ABCA4: variants seen among roughly 807,000 people sequenced by gnomAD.
The protein encoded by ABCA4 is retinal-specific phospholipid-transporting ATPase ABCA4.
Under a neutral mutation model 263.7 loss-of-function variants are expected in ABCA4, and 196 were observed. The observed-to-expected ratio is 0.74, with a 90% CI of 0.66 to 0.84. The LOEUF is 0.84. Ranked by LOEUF, ABCA4 falls within the 40% of genes least tolerant of loss-of-function variation. ABCA4 has a pLI of 0.00. For missense variants in ABCA4, 2,792 were observed against 2,855.1 expected, an observed-to-expected ratio of 0.98 and a Z score of 0.50; for synonymous variants, 1,133 against 1,094.2, an observed-to-expected ratio of 1.04 and a Z score of -0.70.
intron 40 of ABCA4, chr1:94,010,487 C>G (rs967525029): frequency 3.8e-5 from 17 of 442,070 alleles, no homozygotes; most frequent in African/African-American, 2.6e-4. Context: ...TACCCTGTAA[C>G]CATTGTTATT....
intron 1 of ABCA4, among the ~76,000 whole-genome samples, chr1:94,116,035 C>T (rs1457346673): frequency 6.6e-6 from 1 of 152,180 alleles, no homozygotes; most frequent in African/African-American, 2.4e-5. Flanking sequence ...CATTGTCATC[C>T]TCCCTTGCAA....
chr1:94,082,086 G>A (rs1045213871), intron 7 of ABCA4, among the ~76,000 whole-genome samples: 2 of 152,086 alleles, frequency 1.3e-5, no homozygotes, highest in African/African-American at 4.8e-5. Context: ...GATGAGCCCA[G>A]GGAGAATCCA....
intron 26 of ABCA4, 41 bp downstream of exon 26, chr1:94,036,699 G>A (rs1660345875): frequency 1.2e-6 from 2 of 1,603,602 alleles, no homozygotes; most frequent in African/African-American, 1.3e-5. Flanking sequence ...ACTTGGGAGG[G>A]AGGCAAGGAA....
chr1:94,069,980 G>T (rs1025527585), intron 11 of ABCA4, among the ~76,000 whole-genome samples: 19 of 152,196 alleles, frequency 1.2e-4, no homozygotes, highest in African/African-American at 4.3e-4. Context: ...TCACACTGGG[G>T]CAAAGCCACG....
At position 94,040,110 on chromosome 1, in the gene ABCA4, C is replaced by G; in HGVS notation, c.3540G>C (p.Ser1180=). Residue 1180 remains serine (S), a synonymous_variant, in exon 24 of 50, where the codon TCG becomes TCC. Coordinates refer to ENST00000370225, the MANE Select transcript of ABCA4 (RefSeq NM_000350.3). ...RKGSEGTCSC[S]SKGFSTTCPA... ...GACACGTGGTGGAGAAACCCTTAGA[C>G]GAGCAGCTGCAGGTCCCCTGCAACA... is the stretch of plus-strand genomic sequence containing the variant. 1 of 1,608,982 alleles carries G rather than the reference C, an allele frequency of 6.2e-7. No homozygotes were observed. Among genetic ancestry groups the G allele is most frequent in the Non-Finnish European group, 8.5e-7 (1 of 1,177,392 alleles).
chr1:94,100,041 C>G (rs1330383379), intron 5 of ABCA4, among the ~76,000 whole-genome samples: 1 of 152,170 alleles, frequency 6.6e-6, no homozygotes, highest in African/African-American at 2.4e-5. Context: ...TCGTGAGATT[C>G]CCGGGGCACC....
intron 6 of ABCA4, among the ~76,000 whole-genome samples, chr1:94,087,730 G>A (rs1661869118): frequency 6.6e-6 from 1 of 152,158 alleles, no homozygotes; most frequent in Non-Finnish European, 1.5e-5. Context: ...GAAACCCACG[G>A]TTTCTCTGAC....
chr1:94,011,424 C>T (rs1178832930), intron 38 of ABCA4, 39 bp from the exon 39 acceptor site: 1 of 1,603,102 alleles, frequency 6.2e-7, no homozygotes, highest in South Asian at 1.1e-5. Flanking sequence ...ACGGGGCAAA[C>T]CCCACCCCCC....
At chr1:94,008,432 A>T (rs879682106) in intron 41 of ABCA4, 135 bp from the exon 42 acceptor site, 15 of 921,098 alleles carry the variant, frequency 1.6e-5, no homozygotes, top group Admixed American at 3.9e-5. Context: ...ATGGGCAGGC[A>T]CAGAGGTGTG....
At chr1:93,996,005 A>T in intron 49 of ABCA4, 104 bp downstream of exon 49, 1 of 1,010,892 alleles carries the variant, frequency 9.9e-7, no homozygotes, top group East Asian at 2.5e-5. Flanking sequence ...GGCTCTCTGT[A>T]GGAGGCATAT....
At position 94,041,370 on chromosome 1, in the gene ABCA4, C is replaced by G. The variant is rs2101048716; in HGVS notation, c.3361G>C (p.Asp1121His). 6.2e-7 allele frequency: 1 copy of G among 1,614,060 alleles called. No individual in the cohort carries two copies. The highest frequency in any genetic ancestry group is 8.5e-7 in the Non-Finnish European group (1 of 1,180,042). Residue 1121 changes from aspartate (D) to histidine (H), a missense_variant, in exon 23 of 50, where the codon GAC (aspartate) becomes CAC (histidine). Transcript: ENST00000370225. ...RTIIMSTHHMDEADLLGDRIA... is the reference protein window; with the variant it reads ...RTIIMSTHHMHEADLLGDRIA... ...CGGTCCCCAAGGAGGTCGGCCTCGT[C>G]CATGTGGTGAGTGGACATGATGATG... is the stretch of plus-strand genomic sequence containing the variant.
At chr1:94,016,781 G>T (rs1270192982) in intron 36 of ABCA4, among the ~76,000 whole-genome samples, 3 of 152,146 alleles carry the variant, frequency 2.0e-5, no homozygotes, top group Non-Finnish European at 2.9e-5. Context: ...CACTGAGAAG[G>T]CCTGGGACCA....
intron 17 of ABCA4, among the ~76,000 whole-genome samples, chr1:94,049,555 C>T (rs570166575): frequency 2.9e-4 from 44 of 152,206 alleles, no homozygotes; most frequent in African/African-American, 7.7e-4. Context: ...ACCCGGGAGG[C>T]GGAGGTTGCA....
intron 27 of ABCA4, 112 bp from the exon 28 acceptor site, chr1:94,031,232 G>A: frequency 7.0e-7 from 1 of 1,433,318 alleles, no homozygotes; most frequent in Non-Finnish European, 9.6e-7. Context: ...CTCCTAATCA[G>A]CCCCTGGTGG....
Position 94,078,487 on chromosome 1 carries a change from C to T in ABCA4, c.1356+103G>A, listed in dbSNP as rs116785080. 2,147 of 935,224 alleles carry T rather than the reference C, an allele frequency of 2.3e-3. 32 individuals carry two copies. In the African/African-American group the frequency reaches 0.03, roughly 13 times the overall value. The allele number at this position is 935,224 out of a possible 1,614,324, so 57.9% of individuals were successfully genotyped here. A position where few individuals can be genotyped will look rare whatever the true frequency, so the allele number is the denominator to read the frequency against. On this transcript the variant is annotated intron_variant, in intron 10 of 49. Coordinates refer to ENST00000370225, the MANE Select transcript of ABCA4 (RefSeq NM_000350.3). ...CTGCTTGTTGTATTTTGATCTAACTCCAATAGCGATTAACTCTTTCCTGGG... is the reference window on the plus strand; with the variant it reads ...CTGCTTGTTGTATTTTGATCTAACTTCAATAGCGATTAACTCTTTCCTGGG...
Position 94,121,004 on chromosome 1 carries a change from G to T in ABCA4, c.42C>A (p.Asn14Lys). 6 of 1,612,942 alleles carry T rather than the reference G, an allele frequency of 3.7e-6. No individual in the cohort carries two copies. Among genetic ancestry groups the T allele is most frequent in the Non-Finnish European group, 5.1e-6 (6 of 1,179,642 alleles). Residue 14 changes from asparagine (N) to lysine (K), a missense_variant, in exon 1 of 50, where the codon AAC (asparagine) becomes AAA (lysine). By Grantham distance (94) the Asn-to-Lys change is moderately conservative. Coordinates refer to ENST00000370225, the MANE Select transcript of ABCA4 (RefSeq NM_000350.3). ...VRQIQLLLWK[N>K]WTLRKRQKIR... ...CCTTTTGCCTTTTCCGCAGGGTCCA[G>T]TTCTTCCAGAGCAAAAGCTGTATCT...
At chr1:94,075,798 T>C (rs1213213888) in intron 11 of ABCA4, among the ~76,000 whole-genome samples, 1 of 152,170 alleles carries the variant, frequency 6.6e-6, no homozygotes, top group African/African-American at 2.4e-5. Flanking sequence ...ACTGGGAGTA[T>C]GAGGTTGAGA....
chr1:94,108,986 A>G (rs1273430866), intron 3 of ABCA4, among the ~76,000 whole-genome samples: 8 of 151,828 alleles, frequency 5.3e-5, no homozygotes, highest in Non-Finnish European at 1.2e-4. Flanking sequence ...GTTAGCCAGG[A>G]TGGTCTCGAT....
At chr1:94,047,135 A>G in intron 18 of ABCA4, 42 bp from the exon 19 acceptor site, 1 of 1,606,680 alleles carries the variant, frequency 6.2e-7, no homozygotes, top group South Asian at 1.1e-5. Context: ...CATAATGCCT[A>G]ATTACATGGC....
Sources: gnomAD v4.1 joint callset for allele counts (sites outside exome capture counted in the v4.1 genomes callset) on GRCh38, gnomAD v4.1.1 for gene constraint, MANE v1.5 for transcripts, NCBI Gene and HGNC (gene_info 2026-07-23, HGNC 2026-07-21) for gene names.